NCAN: variants seen among roughly 807,000 people sequenced by gnomAD.
The protein encoded by NCAN is neurocan core protein.
NCAN carries 47 observed loss-of-function variants against 121.8 expected under a neutral mutation model. The ratio of observed to expected loss-of-function variants is 0.39; its 90% CI spans 0.31 to 0.49. NCAN has a LOEUF of 0.49. Ranked by LOEUF, NCAN falls within the 20% of genes least tolerant of loss-of-function variation. The pLI, the probability that NCAN is intolerant of heterozygous loss-of-function variation, is 0.92. For synonymous variants in NCAN, 633 were observed against 702.0 expected, an observed-to-expected ratio of 0.90 and a Z score of 1.55; for missense variants, 1,517 against 1,773.4, an observed-to-expected ratio of 0.86 and a Z score of 2.60.
At chr19:19,222,327 T>C (rs2060819697) in intron 3 of NCAN, among the ~76,000 whole-genome samples, 1 of 152,192 alleles carries the variant, frequency 6.6e-6, no homozygotes, top group Non-Finnish European at 1.5e-5. Flanking sequence ...TCACCCAGGC[T>C]GGAGTTCAGT....
At chr19:19,239,861 CCCT>C (rs1305611536) in intron 11 of NCAN, among the ~76,000 whole-genome samples, 1 of 140,410 alleles carries the variant, frequency 7.1e-6, no homozygotes, top group Non-Finnish European at 1.6e-5. Context: ...CCAACTCCTC[CCCT>C]CCTCCTTCCA....
chr19:19,228,352 C>T lies in NCAN; in HGVS notation c.2732C>T (p.Ser911Leu), dbSNP rs1349729567. Reference protein sequence around the residue: ...PEDQVETQGTSGASVPPHQSS... With the variant: ...PEDQVETQGTLGASVPPHQSS... ...GATCAGGTGGAGACCCAGGGAACAT[C>T]AGGAGCTTCAGTGCCTCCGCATCAG... Residue 911 changes from serine (S) to leucine (L), a missense_variant, in exon 8 of 15, where the codon TCA (serine) becomes TTA (leucine). Coordinates refer to ENST00000252575, the MANE Select transcript of NCAN (RefSeq NM_004386.3). The T allele has an allele frequency of 6.2e-7, 1 of 1,613,900 alleles. No individual in the cohort carries two copies. The highest frequency in any genetic ancestry group is 8.5e-7 in the Non-Finnish European group (1 of 1,180,024).
chr19:19,235,536 T>G (rs1052551971), intron 10 of NCAN, among the ~76,000 whole-genome samples: 3 of 152,000 alleles, frequency 2.0e-5, no homozygotes, highest in Middle Eastern at 3.4e-3. Context: ...CATCCCAAAG[T>G]GCTGGAATTA....
chr19:19,249,499 C>T (rs577369386), intron 14 of NCAN, among the ~76,000 whole-genome samples: 1 of 152,270 alleles, frequency 6.6e-6, no homozygotes, highest in African/African-American at 2.4e-5. Context: ...TCCCAAATAG[C>T]TGGGACTACA....
chr19:19,225,070 G>A lies in NCAN; in HGVS notation c.872G>A (p.Gly291Glu). The change falls in exon 6 of 15, where the codon GGA becomes GAA. Residue 291 changes from glycine to glutamate, a missense_variant. Gly to Glu is a moderately conservative substitution (Grantham distance 98). Coordinates refer to ENST00000252575, the MANE Select transcript of NCAN (RefSeq NM_004386.3). The surrounding 1 kb of genome is among the most constrained non-coding windows in gnomAD (Gnocchi z 4.0). ...CAGGGTGCCGCGCTGGCCTCGGTGG[G>A]ACAGCTGCACCTGGCCTGGCATGAG... is the stretch of plus-strand genomic sequence containing the variant. ...RRQGAALASV[G>E]QLHLAWHEGL... 1 of 1,525,386 alleles carries A rather than the reference G, an allele frequency of 6.6e-7. No individual in the cohort carries two copies. Among genetic ancestry groups the A allele is most frequent in the East Asian group, 2.5e-5 (1 of 39,512 alleles). 94.5% of individuals were successfully genotyped at this position (1,525,386 alleles called of 1,614,324 possible).
At chr19:19,217,484 GC>G (rs1315826246) in intron 2 of NCAN, among the ~76,000 whole-genome samples, 2 of 152,204 alleles carry the variant, frequency 1.3e-5, no homozygotes, top group African/African-American at 4.8e-5. Context: ...ATGAGACATT[GC>G]TACTCTGCAG....
intron 3 of NCAN, among the ~76,000 whole-genome samples, chr19:19,221,973 G>C (rs2060818424): frequency 6.6e-6 from 1 of 152,186 alleles, no homozygotes; most frequent in South Asian, 2.1e-4. Flanking sequence ...AAATGACTCA[G>C]TGAATGGATT....
At chr19:19,233,235 C>CT (rs1057424399) in intron 8 of NCAN, among the ~76,000 whole-genome samples, 18 of 151,358 alleles carry the variant, frequency 1.2e-4, no homozygotes, top group Admixed American at 2.0e-4. Context: ...CACCTGGCCT[C>CT]TTTTTTTTTA....
intron 12 of NCAN, among the ~76,000 whole-genome samples, chr19:19,243,814 T>C (rs1237667306): frequency 6.6e-6 from 1 of 151,946 alleles, no homozygotes. Flanking sequence ...GATCGCGAGG[T>C]CAGGAGTTCA....
Position 19,219,265 on chromosome 19 carries a change from G to A in NCAN, c.424G>A (p.Val142Met), listed in dbSNP as rs751662990. Residue 142 changes from valine (V) to methionine (M), a missense_variant, in exon 3 of 15, where the codon GTG becomes ATG. Physicochemically the swap from Val to Met is conservative, Grantham distance 21 (BLOSUM62 1). Coordinates refer to ENST00000252575, the MANE Select transcript of NCAN (RefSeq NM_004386.3). ...ASDSGLYRCQ[V>M]VRGIEDEQDL... is the part of the protein sequence containing the mutation. ...TGACTCTGGGCTGTACCGCTGCCAG[G>A]TGGTGAGGGGCATCGAGGATGAGCA... is the stretch of plus-strand genomic sequence containing the variant. The A allele has an allele frequency of 1.3e-6, 2 of 1,594,010 alleles. No individual in the cohort carries two copies. The highest frequency in any genetic ancestry group is 2.7e-5 in the African/African-American group (2 of 74,702).
intron 13 of NCAN, 113 bp from the exon 14 acceptor site, chr19:19,248,587 T>A: frequency 9.3e-7 from 1 of 1,076,660 alleles, no homozygotes. Flanking sequence ...AGCGCGCCAC[T>A]GCACTCCAGT....
At chr19:19,214,759 T>A (rs2060790172) in intron 1 of NCAN, among the ~76,000 whole-genome samples, 2 of 150,528 alleles carry the variant, frequency 1.3e-5, no homozygotes, top group South Asian at 4.2e-4. Context: ...TGTGTGTGTG[T>A]GTGTGAGAGA....
rs1157561393 is a variant in NCAN at position 19,248,796 on chromosome 19, A to G, written c.3734A>G (p.Asn1245Ser). ...CATGCCACTGTAAGGTACCAGTGCAATGAAGGATTTGCCCAGCACCATGTG... is the reference window on the plus strand; with the variant it reads ...CATGCCACTGTAAGGTACCAGTGCAGTGAAGGATTTGCCCAGCACCATGTG... ...NVHATVRYQCNEGFAQHHVAT... is the reference protein window; with the variant it reads ...NVHATVRYQCSEGFAQHHVAT... Residue 1245 changes from asparagine to serine, a missense_variant, in exon 14 of 15, where the codon AAT becomes AGT. Physicochemically the swap from Asn to Ser is conservative, Grantham distance 46 (BLOSUM62 1). Coordinates refer to ENST00000252575, the MANE Select transcript of NCAN (RefSeq NM_004386.3). 1 of 1,614,216 alleles carries G rather than the reference A, an allele frequency of 6.2e-7. No individual in the cohort carries two copies.
chr19:19,217,928 A>C lies in NCAN; in HGVS notation c.73+902A>C, dbSNP rs533526054. On this transcript the variant is annotated intron_variant, in intron 2 of 14. Transcript: ENST00000252575. ...CTTGAACCTGGGAGGCGAAGGTTGC[A>C]GTGAGCCGAGATCATGCCACTCCAC... 3.3e-5 allele frequency among the ~76,000 whole-genome samples: 5 copies of C among 152,132 alleles called. No individual in the cohort carries two copies. The South Asian group carries it at 1.0e-3, about 32-fold the overall frequency.
Position 19,245,416 on chromosome 19 carries a change from C to G in NCAN, c.3596C>G (p.Pro1199Arg). 6.2e-7 allele frequency: 1 copy of G among 1,614,210 alleles called. No individual in the cohort carries two copies. The highest frequency in any genetic ancestry group is 8.5e-7 in the Non-Finnish European group (1 of 1,180,038). ...AHESGRWNDV[P>R]CNYNLPYVCK... is the part of the protein sequence containing the mutation. ...GAAAGCGGGCGCTGGAACGATGTCC[C>G]CTGCAACTACAACCTACCCTATGTC... The change falls in exon 13 of 15, where the codon CCC (proline) becomes CGC (arginine). Residue 1199 changes from proline (P) to arginine (R), a missense_variant. By Grantham distance (103) the Pro-to-Arg change is moderately radical. Coordinates refer to ENST00000252575, the MANE Select transcript of NCAN (RefSeq NM_004386.3).
chr19:19,249,359 C>T (rs558162301), intron 14 of NCAN, among the ~76,000 whole-genome samples: 2 of 150,116 alleles, frequency 1.3e-5, no homozygotes, highest in South Asian at 4.3e-4. Flanking sequence ...GCGTGAGCCA[C>T]CACATCCGGC....
At chr19:19,233,371 A>G (rs1226449803) in intron 8 of NCAN, among the ~76,000 whole-genome samples, 1 of 151,780 alleles carries the variant, frequency 6.6e-6, no homozygotes, top group Non-Finnish European at 1.5e-5. Flanking sequence ...GCTAGAACCT[A>G]TGTCCACTCC....
At position 19,219,174 on chromosome 19, in the gene NCAN, G is replaced by C; in HGVS notation, c.333G>C (p.Val111=). The change falls in exon 3 of 15, where the codon GTG becomes GTC. Residue 111 remains valine (V), a synonymous_variant. Transcript: ENST00000252575. The part of the protein sequence containing the change: ...VRVAKSWQGR[V]SLPSYPRRRA... The stretch of plus-strand genomic sequence containing the variant: ...TGGCCAAAAGCTGGCAGGGACGAGT[G>C]TCACTGCCTTCCTACCCCCGGCGCC... 1 of 1,613,410 alleles carries C rather than the reference G, an allele frequency of 6.2e-7. No homozygotes were observed. Among genetic ancestry groups the C allele is most frequent in the Non-Finnish European group, 8.5e-7 (1 of 1,180,028 alleles).
At chr19:19,230,283 G>A (rs1057052562) in intron 8 of NCAN, among the ~76,000 whole-genome samples, 5 of 152,002 alleles carry the variant, frequency 3.3e-5, no homozygotes, top group Non-Finnish European at 7.4e-5. Flanking sequence ...GACCTCAGGT[G>A]ATCCACCTGC....
Sources: allele counts gnomAD v4.1 joint callset (sites outside exome capture counted in the v4.1 genomes callset), GRCh38; gene constraint gnomAD v4.1.1; non-coding constraint Gnocchi (gnomAD v3.1); transcripts MANE v1.5; gene names NCBI Gene and HGNC (gene_info 2026-07-23, HGNC 2026-07-21).